ADGRF3: variants seen among roughly 807,000 people sequenced by gnomAD.
ADGRF3 encodes the protein adhesion G protein-coupled receptor F3, also known as G protein-coupled receptor 113.
Under a neutral mutation model 93.2 loss-of-function variants are expected in ADGRF3, and 85 were observed. The observed-to-expected ratio is 0.91, with a 90% CI of 0.77 to 1.09. ADGRF3 has a LOEUF of 1.09. Ranked by LOEUF, ADGRF3 falls within the 50% of genes least tolerant of loss-of-function variation. The pLI, the probability that ADGRF3 is intolerant of heterozygous loss-of-function variation, is 0.00. For missense variants in ADGRF3, 1,125 were observed against 1,246.2 expected (o/e 0.90, Z 1.46); for synonymous variants, 534 against 532.5 (o/e 1.00, Z -0.04).
In ADGRF3 at chr2:26,316,822, G is replaced by A. The variant is rs1328036818; in HGVS notation, c.325+90C>T. ...CAGCCCTTCCTCCAGGAAATACAGAGGGGCTCACAGAGTCTCAGGCAAGCT... is the reference window on the plus strand; with the variant it reads ...CAGCCCTTCCTCCAGGAAATACAGAAGGGCTCACAGAGTCTCAGGCAAGCT... On this transcript the variant is annotated intron_variant, in intron 3 of 13. Transcript: ENST00000651242. The A allele has an allele frequency of 4.3e-6, 6 of 1,389,702 alleles. No homozygotes were observed. In the South Asian group the frequency reaches 4.5e-5, roughly 10 times the overall value. 86.1% of individuals were successfully genotyped at this position (1,389,702 alleles called of 1,614,324 possible).
intron 9 of ADGRF3, 60 bp downstream of exon 9, chr2:26,312,883 G>T: frequency 6.8e-7 from 1 of 1,474,092 alleles, no homozygotes. Context: ...ATGCCCACAG[G>T]TGGGGAGTCT....
Position 26,311,263 on chromosome 2 carries a change from G to A in ADGRF3, c.2261C>T (p.Ala754Val), listed in dbSNP as rs767107173. Residue 754 changes from alanine (A) to valine (V), a missense_variant, in exon 10 of 14, where the codon GCA becomes GTA. By Grantham distance (64) the Ala-to-Val change is moderately conservative (BLOSUM62 0). Coordinates refer to ENST00000651242, the MANE Select transcript of ADGRF3 (RefSeq NM_001321971.2). ...TGGGGCGCCCAGGAAGCAAGTGTCT[G>A]CGGCCAGCAAGCAGAACACCATGTT... Reference protein sequence around the residue: ...LLNMVFCLLAADTCFLGAPFL... With the variant: ...LLNMVFCLLAVDTCFLGAPFL... The A allele has an allele frequency of 6.2e-7, 1 of 1,613,084 alleles. No homozygotes were observed. Among genetic ancestry groups the A allele is most frequent in the Non-Finnish European group, 8.5e-7 (1 of 1,179,536 alleles).
rs146864223 is a variant in ADGRF3, at chr2:26,311,830, A to G, written c.1694T>C (p.Leu565Pro). Residue 565 changes from leucine to proline, a missense_variant, in exon 10 of 14, where the codon CTG becomes CCG. By Grantham distance (98) the Leu-to-Pro change is moderately conservative. Transcript: ENST00000651242. ...TGAGTGCCTGGGAATCTGAGCCTGC[A>G]GTGGGGGCCGAGTAGGGAAGGAGAT... ...YSISFPTRPP[L>P]QAQIPRHSLA... 1.6e-3 allele frequency: 2,563 copies of G among 1,613,914 alleles called. 11 individuals carry two copies. The highest frequency in any genetic ancestry group is 0.015 in the African/African-American group (1,130 of 75,056).
Position 26,316,928 on chromosome 2 carries a change from G to A in ADGRF3, c.309C>T (p.Gly103=). ...ASSSPRPLLT[G]LRLTTECNVN... ...AAGTGGTACCTGTTGTGAGTCTGAG[G>A]CCAGTGAGAAGAGGCCTTGGGGAAG... is the stretch of plus-strand genomic sequence containing the variant. The change falls in exon 3 of 14, where the codon GGC becomes GGT. Residue 103 remains glycine (G), a synonymous_variant. Coordinates refer to ENST00000651242, the MANE Select transcript of ADGRF3 (RefSeq NM_001321971.2). 1.9e-6 allele frequency: 3 copies of A among 1,610,626 alleles called. No homozygotes were observed. The highest frequency in any genetic ancestry group is 2.5e-6 in the Non-Finnish European group (3 of 1,178,910).
chr2:26,341,210 C>T (rs888686022), intron 1 of ADGRF3, among the ~76,000 whole-genome samples: 2 of 152,180 alleles, frequency 1.3e-5, no homozygotes, highest in African/African-American at 4.8e-5. Flanking sequence ...GAAACCCCAT[C>T]TCTACTAAAA....
At chr2:26,344,634 C>G (rs1676591658) in intron 1 of ADGRF3, among the ~76,000 whole-genome samples, 1 of 152,198 alleles carries the variant, frequency 6.6e-6, no homozygotes, top group African/African-American at 2.4e-5. Flanking sequence ...ATAAAGGACA[C>G]TGAAGTTTAT....
intron 1 of ADGRF3, among the ~76,000 whole-genome samples, chr2:26,336,730 A>T (rs1676070227): frequency 6.7e-6 from 1 of 148,262 alleles, no homozygotes; most frequent in Non-Finnish European, 1.5e-5. Context: ...CATAAAAAAA[A>T]AAAAAAAAAA....
In ADGRF3 at chr2:26,315,639, G is replaced by C; in HGVS notation, c.601C>G (p.Leu201Val). 2 of 1,551,662 alleles carry C rather than the reference G, an allele frequency of 1.3e-6. No homozygotes were observed. The highest frequency in any genetic ancestry group is 1.7e-6 in the Non-Finnish European group (2 of 1,147,000). ...GGACTGGGGCTCCCTGGGTGCCTCA[G>C]GAACCAGCTCAGGTTGGTGGCCTCC... ...SQEATNLSWF[L>V]RHPGSPSPIL... Residue 201 changes from leucine to valine, a missense_variant, in exon 5 of 14, where the codon CTG (leucine) becomes GTG (valine). By Grantham distance (32) the Leu-to-Val change is conservative. Transcript: ENST00000651242.
At chr2:26,309,974 G>C (rs770143401) in intron 12 of ADGRF3, 69 bp downstream of exon 12, 1 of 1,614,014 alleles carries the variant, frequency 6.2e-7, no homozygotes, top group Non-Finnish European at 8.5e-7. Flanking sequence ...TGTCCTCTGA[G>C]GAGGGCCATG....
Position 26,315,677 on chromosome 2 carries a change from A to T in ADGRF3, c.563T>A (p.Leu188His), listed in dbSNP as rs1250578207. 4 of 1,551,376 alleles carry T rather than the reference A, an allele frequency of 2.6e-6. No homozygotes were observed. The Admixed American group carries it at 7.8e-5, about 30-fold the overall frequency. The change falls in exon 5 of 14, where the codon CTC becomes CAC. Residue 188 changes from leucine (L) to histidine (H), a missense_variant. Coordinates refer to ENST00000651242, the MANE Select transcript of ADGRF3 (RefSeq NM_001321971.2). ...QMPGDTLSLT[L>H]HLSQEATNLS... is the part of the protein sequence containing the mutation. Reference sequence around the variant, plus strand: ...GTTGGTGGCCTCCTGGCTCAGATGGAGAGTCAGGCTCAGCGTGTCACCAGG... The same window carrying T: ...GTTGGTGGCCTCCTGGCTCAGATGGTGAGTCAGGCTCAGCGTGTCACCAGG...
At chr2:26,317,726 G>A (rs1674825996) in intron 1 of ADGRF3, among the ~76,000 whole-genome samples, 164 bp from the exon 2 acceptor site, 1 of 152,212 alleles carries the variant, frequency 6.6e-6, no homozygotes, top group African/African-American at 2.4e-5. Flanking sequence ...GTTAGGGGGT[G>A]CCAGGGATGC....
chr2:26,346,373 AC>A lies in ADGRF3; in HGVS notation c.-140del. The stretch of plus-strand genomic sequence containing the variant: ...GGGCCCGCGCGGCGCGGTCCGTGTC[AC>A]CTTGTGCCGCGTGGCTCCGGGCGGG... On this transcript the variant is annotated 5_prime_UTR_variant, in exon 1 of 14. It removes the in-frame stop codon of an upstream open reading frame in the 5' UTR. Transcript: ENST00000651242. 1 of 1,432,790 alleles carries A rather than the reference AC, an allele frequency of 7.0e-7. No homozygotes were observed. 88.8% of individuals were successfully genotyped at this position (1,432,790 alleles called of 1,614,324 possible).
chr2:26,313,485 C>T lies in ADGRF3; in HGVS notation c.1161G>A (p.Glu387=). Residue 387 remains glutamate, a synonymous_variant, in exon 8 of 14, where the codon GAG becomes GAA. Coordinates refer to ENST00000651242, the MANE Select transcript of ADGRF3 (RefSeq NM_001321971.2). Reference sequence around the variant, plus strand: ...GCCTCCTCACTATGCCCCTCTTGCTCTCAGGACATGGGGCCTGTGCCACGT... The same window carrying T: ...GCCTCCTCACTATGCCCCTCTTGCTTTCAGGACATGGGGCCTGTGCCACGT... ...AGHVAQAPCP[E]SKRGIVRRLC... The T allele has an allele frequency of 6.2e-7, 1 of 1,611,986 alleles. No homozygotes were observed. Among genetic ancestry groups the T allele is most frequent in the Non-Finnish European group, 8.5e-7 (1 of 1,179,190 alleles).
intron 1 of ADGRF3, among the ~76,000 whole-genome samples, chr2:26,336,122 AAC>A (rs1002751048): frequency 3.3e-5 from 5 of 152,178 alleles, no homozygotes; most frequent in African/African-American, 1.2e-4. Context: ...ATGCTGTGGG[AAC>A]ACAGTGTGGG....
intron 1 of ADGRF3, among the ~76,000 whole-genome samples, chr2:26,322,597 A>G (rs1021681440): frequency 1.3e-5 from 2 of 152,222 alleles, no homozygotes; most frequent in African/African-American, 4.8e-5. Flanking sequence ...AGATATCTAG[A>G]AAAAGACTGG....
In ADGRF3 at chr2:26,346,201, CT is replaced by C; in HGVS notation, c.33del (p.Ala12ArgfsTer8). 1.9e-6 allele frequency: 3 copies of C among 1,613,534 alleles called. No homozygotes were observed. The highest frequency in any genetic ancestry group is 2.5e-6 in the Non-Finnish European group (3 of 1,179,646). Reference protein sequence around the residue: MTTRKLSAHSAATPGYKAVTH... With the variant: MTTRKLSAHSXATPGYKAVTH... ...GTCACAGCCTTGTAGCCGGGAGTCG[CT>C]GCCGAGTGGGCGCTCAGTTTTCGGG... is the stretch of plus-strand genomic sequence containing the variant. On this transcript the variant is annotated frameshift_variant, in exon 1 of 14. Transcript: ENST00000651242. LOFTEE classifies it high-confidence loss of function.
At chr2:26,310,551 A>T in intron 10 of ADGRF3, 141 bp downstream of exon 10, 1 of 829,026 alleles carries the variant, frequency 1.2e-6, no homozygotes, top group Non-Finnish European at 1.9e-6. Flanking sequence ...CAGTGGAGGA[A>T]CTGGGATCCA....
In ADGRF3 at chr2:26,311,665, AT is replaced by A. The variant is rs754010133; in HGVS notation, c.1858del (p.Ile620PhefsTer86). On this transcript the variant is annotated frameshift_variant, in exon 10 of 14. Coordinates refer to ENST00000651242, the MANE Select transcript of ADGRF3 (RefSeq NM_001321971.2). LOFTEE classifies it high-confidence loss of function. ...GGCCCGGTCACCTGCCATGATGGAA[AT>A]GACAAGGACCAGGCCAGGAGTGGCA... is the stretch of plus-strand genomic sequence containing the variant. ...LYATPGLVLV[I>X]SIMAGDRAFS... 3.7e-6 allele frequency: 6 copies of A among 1,613,496 alleles called. No individual in the cohort carries two copies. In the Admixed American group the frequency reaches 8.3e-5, roughly 22 times the overall value.
chr2:26,342,363 C>T (rs1372351056), intron 1 of ADGRF3, among the ~76,000 whole-genome samples: 1 of 152,050 alleles, frequency 6.6e-6, no homozygotes, highest in Admixed American at 6.5e-5. Context: ...AAATCAATAC[C>T]TTTTTACAAA....
Sources: gnomAD v4.1 joint callset for allele counts (sites outside exome capture counted in the v4.1 genomes callset) on GRCh38, gnomAD v4.1.1 for gene constraint, MANE v1.5 for transcripts, NCBI Gene and HGNC (gene_info 2026-07-23, HGNC 2026-07-21) for gene names.